Variants in EPM2A observed in about 807,000 individuals in gnomAD.
The protein encoded by EPM2A is EPM2A glucan phosphatase, laforin.
In EPM2A, 21 loss-of-function variants were observed where a neutral mutation model predicts 26.5. The observed-to-expected ratio is 0.79, with a 90% CI of 0.56 to 1.14. The LOEUF is 1.14. Among genes scored for constraint, EPM2A ranks in the 50% most tolerant of loss-of-function variants. The pLI is 0.00. For synonymous variants in EPM2A, 217 were observed against 177.6 expected (o/e 1.22, Z -1.76); for missense variants, 458 against 440.8 (o/e 1.04, Z -0.35).
rs187580917 is a variant in EPM2A, at chr6:145,695,614, C to T, written c.302-9318G>A. ...AAGGGATGGAAAAATATATTCCATG[C>T]AAATGGAAGCCAAAAGAGAGCAGAG... On this transcript the variant is annotated intron_variant, in intron 1 of 3. Transcript: ENST00000367519. Among the ~76,000 whole-genome samples the T allele has an allele frequency of 3.9e-5, 6 of 151,934 alleles. No homozygotes were observed. In the East Asian group the frequency reaches 7.7e-4, roughly 20 times the overall value.
intron 2 of EPM2A, among the ~76,000 whole-genome samples, chr6:145,664,779 C>T (rs1174565165): frequency 1.1e-4 from 16 of 151,716 alleles, no homozygotes; most frequent in African/African-American, 3.6e-4. Flanking sequence ...CTCTCCTCAG[C>T]AAATGTAAAA....
intron 3 of EPM2A, among the ~76,000 whole-genome samples, chr6:145,633,409 G>GT (rs1404944893): frequency 1.1e-4 from 16 of 152,314 alleles, no homozygotes; most frequent in Admixed American, 3.3e-4. Context: ...CGCAAATGAA[G>GT]TTTTTCTTTT....
chr6:145,633,462 G>A (rs982572857), intron 3 of EPM2A, among the ~76,000 whole-genome samples: 1 of 152,034 alleles, frequency 6.6e-6, no homozygotes, highest in Non-Finnish European at 1.5e-5. Flanking sequence ...GCTAAATCAT[G>A]CTTCCTTAGG....
At chr6:145,621,675 G>A (rs1316615237), downstream of EPM2A, among the ~76,000 whole-genome samples, 3 of 151,056 alleles carry the variant, frequency 2.0e-5, no homozygotes, top group East Asian at 5.9e-4. Context: ...GTTTTAAACA[G>A]TATTTCCCTA....
At chr6:145,428,227 AAATT>A (rs1187042568) in intron 4 of EPM2A, among the ~76,000 whole-genome samples, 11 of 152,212 alleles carry the variant, frequency 7.2e-5, no homozygotes, top group South Asian at 4.1e-4. Context: ...TATCTTAAAT[AAATT>A]ATTTGTATTT....
chr6:145,452,489 C>CAAAAAAAAAAAAAAAAA (rs563777945), intron 4 of EPM2A, among the ~76,000 whole-genome samples: 4 of 75,862 alleles, frequency 5.3e-5, no homozygotes, highest in African/African-American at 1.8e-4. Context: ...ACTAAAAATA[C>CAAAAAAAAAAAAAAAAA]AAAAAAAAAA....
intron 1 of EPM2A, among the ~76,000 whole-genome samples, chr6:145,723,885 A>G (rs1446385466): frequency 6.6e-6 from 1 of 152,180 alleles, no homozygotes; most frequent in Non-Finnish European, 1.5e-5. Flanking sequence ...CTGCATGTCA[A>G]TCTGTGGATG....
intron 1 of EPM2A, chr6:145,721,888 G>A (rs1021247728): frequency 4.6e-5 from 7 of 152,108 alleles, no homozygotes; most frequent in African/African-American, 1.7e-4. Flanking sequence ...TAACATTGTA[G>A]CTGCTTTACT....
At chr6:145,725,167 T>C (rs1384958439) in intron 1 of EPM2A, among the ~76,000 whole-genome samples, 1 of 152,008 alleles carries the variant, frequency 6.6e-6, no homozygotes, top group Non-Finnish European at 1.5e-5. Context: ...CCAAAGAATA[T>C]ATACAGATGG....
chr6:145,445,108 C>T (rs978263498), intron 4 of EPM2A, among the ~76,000 whole-genome samples: 3 of 152,084 alleles, frequency 2.0e-5, no homozygotes, highest in East Asian at 3.9e-4. Flanking sequence ...ATAAGTCTGC[C>T]TTAGCCTTCA....
At position 145,569,539 on chromosome 6, in the gene EPM2A, T is replaced by C. The variant is rs540810989; in HGVS notation, c.340+65706A>G. On this transcript the variant is annotated intron_variant, in intron 2 of 3. Transcript: ENST00000450221. ...TTAATCTTGTAATCTCCTCTAGTTC[T>C]TGATCATTCTGGAAGGCAAAGCGAT... is the stretch of plus-strand genomic sequence containing the variant. Among the ~76,000 whole-genome samples, 8 of 152,362 alleles carry C rather than the reference T, an allele frequency of 5.3e-5. No individual in the cohort carries two copies. In the South Asian group the frequency reaches 1.7e-3, roughly 32 times the overall value.
intron 1 of EPM2A, among the ~76,000 whole-genome samples, chr6:145,722,083 C>G (rs1775975669): frequency 6.6e-6 from 1 of 152,128 alleles, no homozygotes; most frequent in Admixed American, 6.5e-5. Flanking sequence ...GATGGAAGAT[C>G]AGATACGGGG....
intron 1 of EPM2A, among the ~76,000 whole-genome samples, chr6:145,712,137 A>G (rs1281148970): frequency 2.0e-5 from 3 of 152,160 alleles, no homozygotes; most frequent in Non-Finnish European, 4.4e-5. Context: ...CAAAGCCCCA[A>G]TGAAATCAGC....
chr6:145,583,583 G>A (rs1158793347), intron 2 of EPM2A, among the ~76,000 whole-genome samples: 5 of 152,176 alleles, frequency 3.3e-5, no homozygotes, highest in East Asian at 1.9e-4. Context: ...AATGGCGGGC[G>A]GGGTGGGGTG....
intron 4 of EPM2A, among the ~76,000 whole-genome samples, chr6:145,433,001 T>C (rs1388446833): frequency 6.6e-6 from 1 of 152,162 alleles, no homozygotes; most frequent in Non-Finnish European, 1.5e-5. Flanking sequence ...TCAGACTTCA[T>C]ATAATAGAAG....
intron 4 of EPM2A, among the ~76,000 whole-genome samples, chr6:145,479,542 T>C (rs1052090564): frequency 2.6e-5 from 4 of 151,976 alleles, no homozygotes; most frequent in Non-Finnish European, 4.4e-5. Flanking sequence ...CCTTTTGTGA[T>C]AGACTTATTT....
intron 2 of EPM2A, among the ~76,000 whole-genome samples, chr6:145,661,821 G>C (rs9497384): frequency 6.6e-6 from 1 of 151,938 alleles, no homozygotes; most frequent in African/African-American, 2.4e-5. Context: ...CCATTACTCC[G>C]GCTGAGCATC....
rs147886599 is a variant in EPM2A, at chr6:145,716,813, C to T, written c.301+18385G>A. ...ATAAAATCAGCCTTTCTCCTGTCTCCCTCACATGGAGGATAGAGCCTGAGC... is the reference window on the plus strand; with the variant it reads ...ATAAAATCAGCCTTTCTCCTGTCTCTCTCACATGGAGGATAGAGCCTGAGC... On this transcript the variant is annotated intron_variant, in intron 1 of 3. Transcript: ENST00000367519. Among the ~76,000 whole-genome samples, 5 of 152,292 alleles carry T rather than the reference C, an allele frequency of 3.3e-5. No individual in the cohort carries two copies. The East Asian group carries it at 9.6e-4, about 29-fold the overall frequency.
intron 2 of EPM2A, chr6:145,639,487 A>G (rs561543663): frequency 6.6e-6 from 1 of 152,298 alleles, no homozygotes; most frequent in Non-Finnish European, 1.5e-5. Flanking sequence ...AATTAACTAG[A>G]TTGTGTAAGC....
Sources: gnomAD v4.1 joint callset for allele counts (sites outside exome capture counted in the v4.1 genomes callset) on GRCh38, gnomAD v4.1.1 for gene constraint, MANE v1.5 for transcripts, NCBI Gene and HGNC (gene_info 2026-07-23, HGNC 2026-07-21) for gene names.